COMMD9: variants seen among roughly 807,000 people sequenced by gnomAD.
COMMD9 encodes COMM domain containing 9.
COMMD9 carries 22 observed loss-of-function variants against 23.4 expected under a neutral mutation model. That is an observed-to-expected ratio of 0.94 (90% CI 0.67 to 1.34). COMMD9 has a LOEUF of 1.34. Ranked by LOEUF, COMMD9 falls within the 40% of genes most tolerant of loss-of-function variation. The pLI, the probability that COMMD9 is intolerant of heterozygous loss-of-function variation, is 0.00. For missense variants in COMMD9, 231 were observed against 240.2 expected, an observed-to-expected ratio of 0.96 and a Z score of 0.25; for synonymous variants, 99 against 97.4, an observed-to-expected ratio of 1.02 and a Z score of -0.10.
At chr11:36,281,076 G>C (rs1279239744) in intron 1 of COMMD9, among the ~76,000 whole-genome samples, 1 of 152,122 alleles carries the variant, frequency 6.6e-6, no homozygotes, top group Non-Finnish European at 1.5e-5. Context: ...CAGGAGAGGA[G>C]GCAGATCTGC....
At position 36,288,616 on chromosome 11, in the gene COMMD9, GA is replaced by G. The variant is rs1460576727; in HGVS notation, c.51+745del. On this transcript the variant is annotated intron_variant, in intron 1 of 5. Transcript: ENST00000263401. ...AGGAGTTCAAGACCAGCCTGGCCAA[GA>G]TGTTGAAACCCCGTCTCTACTAAAA... Among the ~76,000 whole-genome samples, 5 of 152,084 alleles carry G rather than the reference GA, an allele frequency of 3.3e-5. No homozygotes were observed. The East Asian group carries it at 7.7e-4, about 23-fold the overall frequency.
At chr11:36,279,375 G>C (rs1052232592) in intron 2 of COMMD9, among the ~76,000 whole-genome samples, 9 of 152,248 alleles carry the variant, frequency 5.9e-5, no homozygotes, top group African/African-American at 2.2e-4. Context: ...CTTGTGAATA[G>C]AGTAATACTT....
rs1351013028 is a variant in COMMD9 at position 36,273,030 on chromosome 11, G to A, written c.*1602C>T. On this transcript the variant is annotated 3_prime_UTR_variant, in exon 6 of 6. Coordinates refer to ENST00000263401, the MANE Select transcript of COMMD9 (RefSeq NM_014186.4). ...AAAGCCTTTCCTATTAGTTGTAACA[G>A]TACTGTTTTTAGGTGCATTATATCA... The A allele has an allele frequency of 6.6e-6, 1 of 152,144 alleles. No individual in the cohort carries two copies. The highest frequency in any genetic ancestry group is 1.5e-5 in the Non-Finnish European group (1 of 68,038). 9.4% of individuals were successfully genotyped at this position (152,144 alleles called of 1,614,324 possible). A position where few individuals can be genotyped will look rare whatever the true frequency, so the allele number is the denominator to read the frequency against.
At chr11:36,287,744 G>A (rs12274512) in intron 1 of COMMD9, among the ~76,000 whole-genome samples, 10,804 of 152,074 alleles carry the variant, frequency 0.071, 436 homozygotes, top group South Asian at 0.1. Flanking sequence ...TTTATGTTAA[G>A]TTCAAACATG....
chr11:36,289,362 C>A lies in COMMD9; in HGVS notation c.51G>T (p.Lys17Asn). ...EHFAALQSLL[K>N]ASSKDVVRQL... Reference sequence around the variant, plus strand: ...CGCTGTCCCCACCCCTTCGACTTACCTTGAGCAGGCTCTGGAGTGCTGCAA... The same window carrying A: ...CGCTGTCCCCACCCCTTCGACTTACATTGAGCAGGCTCTGGAGTGCTGCAA... Residue 17 changes from lysine (K) to asparagine (N), a missense_variant and splice_region_variant, in exon 1 of 6, where the codon AAG becomes AAT. Physicochemically the swap from Lys to Asn is moderately conservative, Grantham distance 94 (BLOSUM62 0). Coordinates refer to ENST00000263401, the MANE Select transcript of COMMD9 (RefSeq NM_014186.4). 1 of 1,551,712 alleles carries A rather than the reference C, an allele frequency of 6.4e-7. No homozygotes were observed. The highest frequency in any genetic ancestry group is 2.4e-5 in the East Asian group (1 of 40,934).
At chr11:36,287,121 A>C (rs1364803127) in intron 1 of COMMD9, among the ~76,000 whole-genome samples, 1 of 82,058 alleles carries the variant, frequency 1.2e-5, no homozygotes, top group African/African-American at 3.9e-5. Context: ...TATGTATACT[A>C]CATACTATGT....
At position 36,282,095 on chromosome 11, in the gene COMMD9, C is replaced by G. The variant is rs565722640; in HGVS notation, c.52-1258G>C. 7.2e-5 allele frequency among the ~76,000 whole-genome samples: 11 copies of G among 152,136 alleles called. No individual in the cohort carries two copies. The South Asian group carries it at 2.3e-3, about 32-fold the overall frequency. On this transcript the variant is annotated intron_variant, in intron 1 of 5. Transcript: ENST00000263401. ...CCAGAAGACAGAGAAGTAGAAATTA[C>G]CCACTCAGAAAAGCAGAAAAAAGAG...
At chr11:36,280,877 ACT>A (rs1856055537) in intron 1 of COMMD9, 40 bp from the exon 2 acceptor site, 1 of 1,513,908 alleles carries the variant, frequency 6.6e-7, no homozygotes, top group Non-Finnish European at 8.9e-7. Context: ...AAAAACTCAG[ACT>A]CTGAAAACAC....
chr11:36,276,122 T>C lies in COMMD9; in HGVS notation c.456+15A>G, dbSNP rs1298468748. On this transcript the variant is annotated intron_variant, in intron 5 of 5. Transcript: ENST00000263401. ...GTGCTGCCTCTTCTTTCTAATGGCA[T>C]GATAGTGAATGTACCTTCATCTGGA... The C allele has an allele frequency of 1.0e-5, 16 of 1,587,888 alleles. No homozygotes were observed. The South Asian group carries it at 1.8e-4, about 18-fold the overall frequency.
intron 1 of COMMD9, among the ~76,000 whole-genome samples, chr11:36,286,770 T>C (rs1293698232): frequency 6.6e-6 from 1 of 152,070 alleles, no homozygotes; most frequent in Non-Finnish European, 1.5e-5. Context: ...ACACACAACA[T>C]GGATGAAAAT....
chr11:36,280,275 GGGGACCTTCTGT>G (rs1554980403), intron 2 of COMMD9, among the ~76,000 whole-genome samples: 1 of 152,188 alleles, frequency 6.6e-6, no homozygotes, highest in Non-Finnish European at 1.5e-5. Flanking sequence ...CTGAGGAGAA[GGGGACCTTCTGT>G]GGGACAGAGG....
rs1855934049 is a variant in COMMD9 at position 36,274,436 on chromosome 11, G to A, written c.*196C>T. 4.0e-6 allele frequency: 3 copies of A among 755,584 alleles called. No homozygotes were observed. Among genetic ancestry groups the A allele is most frequent in the Non-Finnish European group, 7.0e-6 (3 of 427,358 alleles). The allele number at this position is 755,584 out of a possible 1,614,324, so 46.8% of individuals were successfully genotyped here. ...TGCTCTCCAGCTTCAGAAAGAGAAA[G>A]AAGATGAGTGAGAACAGCGGGGGAT... On this transcript the variant is annotated 3_prime_UTR_variant, in exon 6 of 6. Transcript: ENST00000263401.
chr11:36,276,394 C>A, intron 4 of COMMD9, 154 bp from the exon 5 acceptor site: 1 of 611,102 alleles, frequency 1.6e-6, no homozygotes, highest in South Asian at 1.9e-5. Context: ...CCGAGACCCA[C>A]AGCGAGTCAT....
At chr11:36,279,615 A>T (rs61878683) in intron 2 of COMMD9, among the ~76,000 whole-genome samples, 49,784 of 152,046 alleles carry the variant, frequency 0.33, 9,063 homozygotes, top group Non-Finnish European at 0.4. Flanking sequence ...CATAGCAGTA[A>T]TTGCTCTTAA....
chr11:36,285,131 T>A (rs1361940836), intron 1 of COMMD9, among the ~76,000 whole-genome samples: 1 of 152,146 alleles, frequency 6.6e-6, no homozygotes, highest in East Asian at 1.9e-4. Flanking sequence ...CAGACAAAGT[T>A]AAGAGGGGAG....
In COMMD9 at chr11:36,289,399, G is replaced by A. The variant is rs1323381266; in HGVS notation, c.14C>T (p.Thr5Ile). MAAL[T>I]AEHFAALQSL... ...CTGGAGTGCTGCAAAATGCTCCGCT[G>A]TCAGGGCAGCCATCTTGCCGAAGTC... Residue 5 changes from threonine to isoleucine, a missense_variant, in exon 1 of 6, where the codon ACA becomes ATA. Coordinates refer to ENST00000263401, the MANE Select transcript of COMMD9 (RefSeq NM_014186.4). 1.9e-6 allele frequency: 3 copies of A among 1,552,072 alleles called. No homozygotes were observed. The highest frequency in any genetic ancestry group is 2.6e-6 in the Non-Finnish European group (3 of 1,147,208).
intron 1 of COMMD9, among the ~76,000 whole-genome samples, chr11:36,285,139 G>A (rs528334906): frequency 1.3e-4 from 20 of 152,172 alleles, no homozygotes; most frequent in African/African-American, 4.6e-4. Flanking sequence ...GTTAAGAGGG[G>A]AGACACAAAT....
chr11:36,289,231 C>T, intron 1 of COMMD9, 131 bp downstream of exon 1: 1 of 751,196 alleles, frequency 1.3e-6, no homozygotes, highest in Non-Finnish European at 2.0e-6. Context: ...AACGATTTGC[C>T]TGGGATCACA....
At chr11:36,274,817 C>T (rs1376986331) in intron 5 of COMMD9, 45 bp from the exon 6 acceptor site, 4 of 1,610,328 alleles carry the variant, frequency 2.5e-6, no homozygotes, top group Non-Finnish European at 3.4e-6. Context: ...GCCTCTTTTC[C>T]CATATCCCTG....
Sources: gnomAD v4.1 joint callset for allele counts (sites outside exome capture counted in the v4.1 genomes callset) on GRCh38, gnomAD v4.1.1 for gene constraint, MANE v1.5 for transcripts, NCBI Gene and HGNC (gene_info 2026-07-23, HGNC 2026-07-21) for gene names.